EVC: variants seen among roughly 807,000 people sequenced by gnomAD.
EVC encodes evC complex member EVC.
EVC carries 116 observed loss-of-function variants against 118.9 expected under a neutral mutation model. The ratio of observed to expected loss-of-function variants is 0.98; its 90% CI spans 0.84 to 1.14. The LOEUF (loss-of-function observed/expected upper bound fraction) is 1.14. Ranked by LOEUF, EVC falls within the 50% of genes most tolerant of loss-of-function variation. The pLI, the probability that EVC is intolerant of heterozygous loss-of-function variation, is 0.00. For synonymous variants in EVC, 619 were observed against 534.7 expected (o/e 1.16, Z -2.18); for missense variants, 1,401 against 1,246.4 (o/e 1.12, Z -1.87).
the EVC span, among the ~76,000 whole-genome samples, chr4:5,823,643 G>T: frequency 8.5e-5 from 13 of 152,208 alleles, no homozygotes; most frequent in Admixed American, 8.5e-4. Context: ...TTGTTAAAGA[G>T]CACCTCTGCC....
At chr4:5,728,854 A>G (rs1207076836) in intron 2 of EVC, among the ~76,000 whole-genome samples, 5 of 152,128 alleles carry the variant, frequency 3.3e-5, no homozygotes, top group Non-Finnish European at 5.9e-5. Context: ...TCAAATCCTT[A>G]TTTCTTCCAA....
In EVC at chr4:5,797,409, A is replaced by C. The variant is rs1714179716; in HGVS notation, c.2097+177A>C. 6.2e-6 allele frequency: 4 copies of C among 643,756 alleles called. No individual in the cohort carries two copies. The South Asian group carries it at 7.0e-5, about 11-fold the overall frequency. 39.9% of individuals were successfully genotyped at this position (643,756 alleles called of 1,614,324 possible). On this transcript the variant is annotated intron_variant, in intron 14 of 20. Coordinates refer to ENST00000264956, the MANE Select transcript of EVC (RefSeq NM_153717.3). Reference sequence around the variant, plus strand: ...CCACAGACCGGGCAGCTTACACTGCACACATTTCCCTGCTCACCATCCTGG... The same window carrying C: ...CCACAGACCGGGCAGCTTACACTGCCCACATTTCCCTGCTCACCATCCTGG...
chr4:5,715,813 G>T (rs1386106570), intron 1 of EVC, among the ~76,000 whole-genome samples: 1 of 138,860 alleles, frequency 7.2e-6, no homozygotes, highest in Admixed American at 8.1e-5. Context: ...GTGCAATCTC[G>T]GCTCACTGCA....
chr4:5,715,371 C>T (rs907408509), intron 1 of EVC, among the ~76,000 whole-genome samples: 1 of 152,198 alleles, frequency 6.6e-6, no homozygotes, highest in Non-Finnish European at 1.5e-5. Context: ...TATTCTTGGG[C>T]TCTACCCCAG....
the EVC span, among the ~76,000 whole-genome samples, chr4:5,827,732 T>TGC: frequency 2.9e-4 from 32 of 111,906 alleles, no homozygotes; most frequent in South Asian, 3.9e-3. Flanking sequence ...CATGTGCGCG[T>TGC]GCACACACAC....
chr4:5,790,526 G>A (rs577800634), intron 12 of EVC, among the ~76,000 whole-genome samples: 1 of 152,238 alleles, frequency 6.6e-6, no homozygotes, highest in Non-Finnish European at 1.5e-5. Flanking sequence ...TGGAGTCCTT[G>A]GTTGTAGCAT....
rs1430908797 is a variant in EVC at position 5,749,248 on chromosome 4, C to G, written c.1098+942C>G. Among the ~76,000 whole-genome samples the G allele has an allele frequency of 2.6e-5, 4 of 150,974 alleles. No individual in the cohort carries two copies. The East Asian group carries it at 7.9e-4, about 30-fold the overall frequency. On this transcript the variant is annotated intron_variant, in intron 8 of 20. Transcript: ENST00000264956. This position sits in a 1 kb window ranked among gnomAD's most constrained non-coding sequence, Gnocchi z 4.4. The stretch of plus-strand genomic sequence containing the variant: ...TACAAACCCCTGGTGCATGGGTGTC[C>G]AACCTTTTGGCTTCCCTGGGCCACA...
chr4:5,789,245 G>A lies in EVC; in HGVS notation c.1777-4363G>A, dbSNP rs757442623. The stretch of plus-strand genomic sequence containing the variant: ...ACACAGCATGAAAGTCAGAGTCCTC[G>A]CCACACTCTGCAAAGCCCACCATGT... On this transcript the variant is annotated intron_variant, in intron 12 of 20. Transcript: ENST00000264956. The surrounding 1 kb of genome is among the most constrained non-coding windows in gnomAD (Gnocchi z 4.3). Among the ~76,000 whole-genome samples, 2 of 152,028 alleles carry A rather than the reference G, an allele frequency of 1.3e-5. No individual in the cohort carries two copies. Among genetic ancestry groups the A allele is most frequent in the Non-Finnish European group, 2.9e-5 (2 of 68,000 alleles).
chr4:5,759,461 ATTTCCCC>A (rs1169665926), intron 11 of EVC, among the ~76,000 whole-genome samples: 5 of 151,906 alleles, frequency 3.3e-5, no homozygotes, highest in Non-Finnish European at 7.4e-5. Context: ...CGGGCCACTT[ATTTCCCC>A]TGCCGGAGGT....
At chr4:5,714,663 A>G (rs1367021864) in intron 1 of EVC, among the ~76,000 whole-genome samples, 1 of 152,186 alleles carries the variant, frequency 6.6e-6, no homozygotes, top group Non-Finnish European at 1.5e-5. Context: ...TTAAATTTGT[A>G]TTCAGTGTTT....
intron 11 of EVC, among the ~76,000 whole-genome samples, chr4:5,760,293 A>C (rs778150155): frequency 3.3e-5 from 5 of 152,062 alleles, no homozygotes; most frequent in Non-Finnish European, 7.4e-5. Context: ...AATGATGCCA[A>C]AATGACATCC....
intron 11 of EVC, among the ~76,000 whole-genome samples, chr4:5,766,785 T>G (rs1008454635): frequency 2.2e-5 from 3 of 137,966 alleles, no homozygotes; most frequent in Non-Finnish European, 4.7e-5. Flanking sequence ...CTGTATTGGT[T>G]ATTCTAGTTA....
At chr4:5,713,967 C>T (rs1056394120) in intron 1 of EVC, among the ~76,000 whole-genome samples, 1 of 152,178 alleles carries the variant, frequency 6.6e-6, no homozygotes, top group African/African-American at 2.4e-5. Flanking sequence ...AGTGGCTTAC[C>T]TTCCCCTGAG....
At chr4:5,747,799 A>G (rs373256033) in intron 7 of EVC, among the ~76,000 whole-genome samples, 1 of 152,222 alleles carries the variant, frequency 6.6e-6, no homozygotes, top group East Asian at 1.9e-4. Flanking sequence ...AAAATTGCCA[A>G]AGCTTCCATG....
At chr4:5,751,674 G>A (rs1014828315) in intron 8 of EVC, among the ~76,000 whole-genome samples, 1 of 152,218 alleles carries the variant, frequency 6.6e-6, no homozygotes, top group Non-Finnish European at 1.5e-5. Context: ...CTCAGTCCAG[G>A]CTGGGACTGC....
chr4:5,799,807 C>T (rs1412889082), intron 15 of EVC, among the ~76,000 whole-genome samples: 1 of 152,240 alleles, frequency 6.6e-6, no homozygotes, highest in Non-Finnish European at 1.5e-5. Context: ...AACACCCTGT[C>T]TTATTCTAAA....
At chr4:5,735,669 G>A (rs954898070) in intron 5 of EVC, among the ~76,000 whole-genome samples, 1 of 152,184 alleles carries the variant, frequency 6.6e-6, no homozygotes, top group Non-Finnish European at 1.5e-5. Flanking sequence ...AGGAACCTGA[G>A]GTTCAGAGAG....
downstream of EVC, among the ~76,000 whole-genome samples, chr4:5,814,789 G>A (rs910089071): frequency 6.6e-6 from 1 of 151,486 alleles, no homozygotes; most frequent in Admixed American, 6.6e-5. Flanking sequence ...TCTGCCCAGT[G>A]GCTCCTAGCC....
chr4:5,820,926 A>C, the EVC span: 1 of 152,258 alleles, frequency 6.6e-6, no homozygotes, highest in Non-Finnish European at 1.5e-5. Context: ...CTGCCCCGTC[A>C]ACTGCCTCAG....
Sources: gnomAD v4.1 joint callset for allele counts (sites outside exome capture counted in the v4.1 genomes callset) on GRCh38, gnomAD v4.1.1 for gene constraint, Gnocchi (gnomAD v3.1) non-coding constraint, MANE v1.5 for transcripts, NCBI Gene and HGNC (gene_info 2026-07-23, HGNC 2026-07-21) for gene names.